The following YIPF4 variants were observed in gnomAD, a reference collection of about 807,000 sequenced individuals.
YIPF4 encodes protein YIPF4.
A neutral mutation model predicts 29.4 loss-of-function variants in YIPF4; 18 were observed. The ratio of observed to expected loss-of-function variants is 0.61; its 90% CI spans 0.42 to 0.91. The LOEUF (loss-of-function observed/expected upper bound fraction) is 0.91, where lower values mean the gene tolerates loss of function less well. Ranked by LOEUF, YIPF4 falls within the 40% of genes least tolerant of loss-of-function variation. The pLI, the probability that YIPF4 is intolerant of heterozygous loss-of-function variation, is 0.00. For synonymous variants in YIPF4, 115 were observed against 104.7 expected (o/e 1.10, Z -0.60); for missense variants, 279 against 282.7 (o/e 0.99, Z 0.09).
chr2:32,297,777 ATATATGTATGTATTGT>A (rs1379984253), intron 3 of YIPF4, among the ~76,000 whole-genome samples: 3 of 152,162 alleles, frequency 2.0e-5, no homozygotes, highest in Admixed American at 6.6e-5. Context: ...CAAAATACAA[ATATATGTATGTATTGT>A]TACACCAAGT....
chr2:32,299,078 A>G (rs905638467), intron 4 of YIPF4, among the ~76,000 whole-genome samples: 5 of 151,992 alleles, frequency 3.3e-5, no homozygotes, highest in African/African-American at 7.2e-5. Flanking sequence ...GAGTTTCACC[A>G]TGTTGGTCAA....
At chr2:32,278,713 A>G (rs895819341) in intron 1 of YIPF4, among the ~76,000 whole-genome samples, 1 of 152,106 alleles carries the variant, frequency 6.6e-6, no homozygotes, top group African/African-American at 2.4e-5. Flanking sequence ...AATGGTTTTT[A>G]TTGAATTTGA....
Position 32,306,482 on chromosome 2 carries a change from A to G in YIPF4, c.*856A>G, listed in dbSNP as rs945664390. ...AAATATTTTTAAGTGGTACTTCTAA[A>G]TCATAAAAGTTGGGGAAAGAGACCT... is the stretch of plus-strand genomic sequence containing the variant. On this transcript the variant is annotated 3_prime_UTR_variant, in exon 6 of 6. Coordinates refer to ENST00000238831, the MANE Select transcript of YIPF4 (RefSeq NM_032312.4). 7 of 983,920 alleles carry G rather than the reference A, an allele frequency of 7.1e-6. No individual in the cohort carries two copies. In the African/African-American group the frequency reaches 1.2e-4, roughly 17 times the overall value. The allele number at this position is 983,920 out of a possible 1,614,324, so 60.9% of individuals were successfully genotyped here.
intron 3 of YIPF4, among the ~76,000 whole-genome samples, chr2:32,293,566 C>T (rs1294764465): frequency 6.6e-6 from 1 of 152,234 alleles, no homozygotes; most frequent in African/African-American, 2.4e-5. Context: ...TCCACAAAAC[C>T]GCCATTGTCA....
At chr2:32,294,511 C>T (rs1371804214) in intron 3 of YIPF4, among the ~76,000 whole-genome samples, 4 of 151,492 alleles carry the variant, frequency 2.6e-5, no homozygotes, top group East Asian at 2.0e-4. Flanking sequence ...GATGGGATGG[C>T]GGCCGGGAAG....
chr2:32,281,188 T>C (rs1287680261), intron 1 of YIPF4, among the ~76,000 whole-genome samples: 1 of 152,146 alleles, frequency 6.6e-6, no homozygotes, highest in Non-Finnish European at 1.5e-5. Flanking sequence ...CACAATATTA[T>C]ATCGTACAGT....
At chr2:32,294,314 G>A (rs1466577232) in intron 3 of YIPF4, among the ~76,000 whole-genome samples, 2 of 151,436 alleles carry the variant, frequency 1.3e-5, no homozygotes, top group Non-Finnish European at 2.9e-5. Context: ...CTCAGACGGG[G>A]CGGCTGCCGG....
At chr2:32,301,984 C>A (rs2031420655) in intron 5 of YIPF4, among the ~76,000 whole-genome samples, 1 of 151,862 alleles carries the variant, frequency 6.6e-6, no homozygotes, top group African/African-American at 2.4e-5. Flanking sequence ...GGATTACAGG[C>A]ATGAGCCACC....
intron 1 of YIPF4, among the ~76,000 whole-genome samples, chr2:32,281,894 C>CA (rs58882814): frequency 0.29 from 15,352 of 53,100 alleles, 2,060 homozygotes; most frequent in East Asian, 0.59. Context: ...GACTCTGTCT[C>CA]AAAAAAAAAA....
rs2031665643 is a variant in YIPF4 at position 32,309,261 on chromosome 2, A to G, written c.*3635A>G. ...AATGCTTCAGATAAGAACATTTTTG[A>G]GTGCCGATGTGACACTTTAAAGGAA... On this transcript the variant is annotated 3_prime_UTR_variant, in exon 6 of 6. Transcript: ENST00000238831. 6.6e-6 allele frequency: 1 copy of G among 152,128 alleles called. No individual in the cohort carries two copies. Among genetic ancestry groups the G allele is most frequent in the South Asian group, 2.1e-4 (1 of 4,834 alleles). 9.4% of individuals were successfully genotyped at this position (152,128 alleles called of 1,614,324 possible).
rs765199369 is a variant in YIPF4 at position 32,278,136 on chromosome 2, C to G, written c.-20C>G. The stretch of plus-strand genomic sequence containing the variant: ...CAGCCGCAGCCTCTTCTACCGCGGC[C>G]GGTTGGGAGTCGCCGCGAGATGCAG... On this transcript the variant is annotated 5_prime_UTR_variant, in exon 1 of 6. Transcript: ENST00000238831. 7 of 1,545,058 alleles carry G rather than the reference C, an allele frequency of 4.5e-6. No individual in the cohort carries two copies. The highest frequency in any genetic ancestry group is 2.4e-5 in the South Asian group (2 of 83,780).
rs1389307496 is a variant in YIPF4 at position 32,306,121 on chromosome 2, T to TA, written c.*498dup. 1 of 770,488 alleles carries TA rather than the reference T, an allele frequency of 1.3e-6. No individual in the cohort carries two copies. Among genetic ancestry groups the TA allele is most frequent in the African/African-American group, 2.0e-5 (1 of 49,752 alleles). 47.7% of individuals were successfully genotyped at this position (770,488 alleles called of 1,614,324 possible). On this transcript the variant is annotated 3_prime_UTR_variant, in exon 6 of 6. Coordinates refer to ENST00000238831, the MANE Select transcript of YIPF4 (RefSeq NM_032312.4). ...ATATTTCTGATAAACATTAAGATAT[T>TA]AAATCTGATGCACAAACTTTTTAAT... is the stretch of plus-strand genomic sequence containing the variant.
At chr2:32,294,819 C>T (rs1167657540) in intron 3 of YIPF4, among the ~76,000 whole-genome samples, 2 of 152,258 alleles carry the variant, frequency 1.3e-5, no homozygotes, top group Non-Finnish European at 2.9e-5. Context: ...AATCCCGGCA[C>T]CTCCGGAGGC....
chr2:32,280,136 T>TATA (rs201049173), intron 1 of YIPF4, among the ~76,000 whole-genome samples: 4 of 144,820 alleles, frequency 2.8e-5, no homozygotes, highest in African/African-American at 7.9e-5. Flanking sequence ...TATATATATA[T>TATA]TTTTTTTTTG....
At chr2:32,298,852 C>A (rs1014023383) in intron 4 of YIPF4, among the ~76,000 whole-genome samples, 8 of 151,694 alleles carry the variant, frequency 5.3e-5, no homozygotes, top group Admixed American at 2.0e-4. Flanking sequence ...GCTACTGCGC[C>A]CAGACAAAAT....
intron 5 of YIPF4, among the ~76,000 whole-genome samples, chr2:32,302,211 A>G (rs1307977658): frequency 1.3e-5 from 2 of 150,638 alleles, no homozygotes; most frequent in African/African-American, 2.4e-5. Context: ...TTGTGTTTTT[A>G]GTAGAGACAG....
At position 32,315,874 on chromosome 2, in the gene YIPF4, C is replaced by T. The variant is rs1411500867; in HGVS notation, c.*10248C>T. 2 of 151,540 alleles carry T rather than the reference C, an allele frequency of 1.3e-5. No homozygotes were observed. The highest frequency in any genetic ancestry group is 2.4e-5 in the African/African-American group (1 of 41,256). The allele number at this position is 151,540 out of a possible 1,614,324, so 9.4% of individuals were successfully genotyped here. A position where few individuals can be genotyped will look rare whatever the true frequency, so the allele number is the denominator to read the frequency against. On this transcript the variant is annotated 3_prime_UTR_variant, in exon 6 of 6. Coordinates refer to ENST00000238831, the MANE Select transcript of YIPF4 (RefSeq NM_032312.4). ...CTTTGAGAAGATGGGGCTTTCAAAG[C>T]GTTAAATGAAACACAGAAGCCATGG...
chr2:32,289,466 G>T (rs1008750428), intron 1 of YIPF4, among the ~76,000 whole-genome samples: 1 of 152,178 alleles, frequency 6.6e-6, no homozygotes, highest in African/African-American at 2.4e-5. Flanking sequence ...CTCCAGAGAG[G>T]TATCTATCTG....
chr2:32,283,371 A>G (rs909724852), intron 1 of YIPF4, among the ~76,000 whole-genome samples: 7 of 152,168 alleles, frequency 4.6e-5, no homozygotes, highest in African/African-American at 1.4e-4. Context: ...TTTTCAGTGT[A>G]TAACCTTCCT....
Sources: gnomAD v4.1 joint callset for allele counts (sites outside exome capture counted in the v4.1 genomes callset) on GRCh38, gnomAD v4.1.1 for gene constraint, MANE v1.5 for transcripts, NCBI Gene and HGNC (gene_info 2026-07-23, HGNC 2026-07-21) for gene names.